The following AK9 variants were observed in gnomAD, a reference collection of about 807,000 sequenced individuals.
The protein encoded by AK9 is adenylate kinase 9, also known as adenylate kinase domain containing 1.
In AK9, 191 loss-of-function variants were observed where a neutral mutation model predicts 239.6. The observed-to-expected ratio is 0.80, with a 90% CI of 0.71 to 0.90. The LOEUF is 0.90. Among genes scored for constraint, AK9 ranks in the 40% least tolerant of loss-of-function variants. The probability of loss-of-function intolerance (pLI) is 0.00; values close to 1 mark genes in which losing one functional copy is unlikely to be tolerated. For synonymous variants in AK9, 689 were observed against 721.0 expected (o/e 0.96, Z 0.71); for missense variants, 1,995 against 2,214.7 (o/e 0.90, Z 1.99).
intron 17 of AK9, among the ~76,000 whole-genome samples, chr6:109,588,279 C>T (rs1789777897): frequency 6.6e-6 from 1 of 152,088 alleles, no homozygotes; most frequent in Admixed American, 6.6e-5. Context: ...CCGTGTTAGC[C>T]AGGATGGTCT....
intron 12 of AK9, among the ~76,000 whole-genome samples, chr6:109,621,067 A>T (rs1188499860): frequency 6.6e-6 from 1 of 151,096 alleles, no homozygotes; most frequent in Non-Finnish European, 1.5e-5. Flanking sequence ...CAACCCCATC[A>T]AAAAGTGGGT....
rs185544150 is a variant in AK9 at position 109,568,137 on chromosome 6, T to A, written c.2345-3292A>T. Among the ~76,000 whole-genome samples the A allele has an allele frequency of 8.1e-3, 1,240 of 152,218 alleles. 26 individuals are homozygous for A. Among genetic ancestry groups the A allele is most frequent in the African/African-American group, 0.027 (1,101 of 41,520 alleles). On this transcript the variant is annotated intron_variant, in intron 21 of 40. Transcript: ENST00000424296. Reference sequence around the variant, plus strand: ...GGCTGGTTCAACATACACAAATCAATAAACGTAATCCAGCATATAAACACA... The same window carrying A: ...GGCTGGTTCAACATACACAAATCAAAAAACGTAATCCAGCATATAAACACA...
chr6:109,493,416 A>G lies in AK9; in HGVS notation c.5689T>C (p.Leu1897=). 6.2e-7 allele frequency: 1 copy of G among 1,614,164 alleles called. No homozygotes were observed. Among genetic ancestry groups the G allele is most frequent in the African/African-American group, 1.3e-5 (1 of 75,050 alleles). The change falls in exon 41 of 41, where the codon TTA becomes CTA. Residue 1897 remains leucine (L), a synonymous_variant. Coordinates refer to ENST00000424296, the MANE Select transcript of AK9 (RefSeq NM_001145128.3). Reference sequence around the variant, plus strand: ...TTTCTGAGAGAGAGAAAGGTCTTTAACTTATGATCAAAGTCAATGGCTCTG... The same window carrying G: ...TTTCTGAGAGAGAGAAAGGTCTTTAGCTTATGATCAAAGTCAATGGCTCTG... ...QFRAIDFDHK[L]KTFLSLRNID...
At position 109,546,071 on chromosome 6, in the gene AK9, A is replaced by G. The variant is rs777462814; in HGVS notation, c.3021T>C (p.Cys1007=). ...VGPQGSGKTM[C]GRQLAEKLNI... ...TTAATTTTTCTGCCAACTGTCTTCC[A>G]CACATAGTTTTGCCAGAGCCCTGGG... Residue 1007 remains cysteine (C), a synonymous_variant, in exon 26 of 41, where the codon TGT becomes TGC. Transcript: ENST00000424296. 4 of 1,608,608 alleles carry G rather than the reference A, an allele frequency of 2.5e-6. No homozygotes were observed. The highest frequency in any genetic ancestry group is 1.8e-4 in the Middle Eastern group (1 of 5,608).
Position 109,546,073 on chromosome 6 carries a change from A to G in AK9, c.3019T>C (p.Cys1007Arg), listed in dbSNP as rs1288534538. 1 of 1,610,356 alleles carries G rather than the reference A, an allele frequency of 6.2e-7. No homozygotes were observed. The highest frequency in any genetic ancestry group is 1.3e-5 in the African/African-American group (1 of 74,494). Residue 1007 changes from cysteine to arginine, a missense_variant, in exon 26 of 41, where the codon TGT becomes CGT. This residue lies in a region of AK9 where 1,290 missense variants were observed against 1,392.7 expected (regional missense o/e 0.93). Coordinates refer to ENST00000424296, the MANE Select transcript of AK9 (RefSeq NM_001145128.3). The part of the protein sequence containing the change: ...VGPQGSGKTM[C>R]GRQLAEKLNI... The stretch of plus-strand genomic sequence containing the variant: ...AATTTTTCTGCCAACTGTCTTCCAC[A>G]CATAGTTTTGCCAGAGCCCTGGGGG...
At chr6:109,612,689 G>A (rs1793715987) in intron 15 of AK9, among the ~76,000 whole-genome samples, 1 of 152,044 alleles carries the variant, frequency 6.6e-6, no homozygotes, top group African/African-American at 2.4e-5. Context: ...AGTGCCATAC[G>A]TGAGTTTCTG....
chr6:109,506,264 T>C (rs1387904194), intron 35 of AK9, 63 bp downstream of exon 35: 22 of 1,466,130 alleles, frequency 1.5e-5, no homozygotes, highest in Non-Finnish European at 2.0e-5. Context: ...TACAGTAACA[T>C]GAGTCAGGCA....
chr6:109,537,658 GT>G (rs998174492), intron 27 of AK9, among the ~76,000 whole-genome samples: 4 of 151,704 alleles, frequency 2.6e-5, no homozygotes, highest in African/African-American at 7.2e-5. Flanking sequence ...TTTTCAATGT[GT>G]TTGCTCTTGC....
intron 27 of AK9, among the ~76,000 whole-genome samples, chr6:109,534,334 G>T (rs62436119): frequency 0.019 from 2,870 of 149,686 alleles, 53 homozygotes; most frequent in Non-Finnish European, 0.03. Context: ...TAATTAGAGA[G>T]CACTTATAAA....
Position 109,545,866 on chromosome 6 carries a change from C to T in AK9, c.3225+1G>A, listed in dbSNP as rs758883296. 19 of 1,588,030 alleles carry T rather than the reference C, an allele frequency of 1.2e-5. No homozygotes were observed. The highest frequency in any genetic ancestry group is 3.4e-4 in the Middle Eastern group (2 of 5,918). On this transcript the variant is annotated splice_donor_variant, in intron 26 of 40. Transcript: ENST00000424296. LOFTEE classifies it high-confidence loss of function. ...CAAAAAACAAAAAAAGAGATTACTA[C>T]CTGCTTTTTTGTATTTTCTTCCTCA...
intron 32 of AK9, among the ~76,000 whole-genome samples, chr6:109,513,604 G>A (rs1196599345): frequency 6.6e-6 from 1 of 152,170 alleles, no homozygotes; most frequent in Non-Finnish European, 1.5e-5. Context: ...GTTTTCTGAA[G>A]AAGTGGCACT....
intron 29 of AK9, 22 bp downstream of exon 29, chr6:109,528,989 A>G (rs772329826): frequency 6.5e-7 from 1 of 1,542,756 alleles, no homozygotes; most frequent in Non-Finnish European, 8.7e-7. Flanking sequence ...CCTGTTTTGA[A>G]AAAAAAAACA....
chr6:109,531,145 A>G (rs543589356), intron 28 of AK9, among the ~76,000 whole-genome samples: 1 of 152,364 alleles, frequency 6.6e-6, no homozygotes, highest in South Asian at 2.1e-4. Context: ...AGAAATACTG[A>G]GAAAAAAATT....
intron 5 of AK9, among the ~76,000 whole-genome samples, chr6:109,665,372 G>A (rs905014628): frequency 1.3e-5 from 2 of 152,118 alleles, no homozygotes; most frequent in African/African-American, 2.4e-5. Context: ...CCTATTGGAG[G>A]TTCATTAAAT....
rs374204001 is a variant in AK9, at chr6:109,499,248, T to C, written c.4850-8A>G. The C allele has an allele frequency of 6.1e-6, 9 of 1,479,172 alleles. No homozygotes were observed. Among genetic ancestry groups the C allele is most frequent in the East Asian group, 4.8e-5 (2 of 41,268 alleles). The allele number at this position is 1,479,172 out of a possible 1,614,324, so 91.6% of individuals were successfully genotyped here. A position where few individuals can be genotyped will look rare whatever the true frequency, so the allele number is the denominator to read the frequency against. ...CAATGCAGGCAGCTTTTCCTATTAT[T>C]AACATATTAACTATTATCATGTATA... On this transcript the variant is annotated splice_region_variant and splice_polypyrimidine_tract_variant and intron_variant, in intron 35 of 40. Transcript: ENST00000424296.
At position 109,654,620 on chromosome 6, in the gene AK9, C is replaced by T. The variant is rs546193874; in HGVS notation, c.759+2136G>A. On this transcript the variant is annotated intron_variant, in intron 8 of 40. Transcript: ENST00000424296. ...AGCTAGGATTACAGGCATGAGCCACCGCGCCCTGCCTGTTCTATATTTTTT... is the reference window on the plus strand; with the variant it reads ...AGCTAGGATTACAGGCATGAGCCACTGCGCCCTGCCTGTTCTATATTTTTT... 2.6e-5 allele frequency among the ~76,000 whole-genome samples: 4 copies of T among 152,276 alleles called. No individual in the cohort carries two copies. In the South Asian group the frequency reaches 6.2e-4, roughly 24 times the overall value.
At chr6:109,622,122 A>G (rs1202902281) in intron 12 of AK9, among the ~76,000 whole-genome samples, 2 of 146,640 alleles carry the variant, frequency 1.4e-5, no homozygotes, top group Middle Eastern at 3.5e-3. Flanking sequence ...ATTATATATA[A>G]TACACATATT....
intron 17 of AK9, among the ~76,000 whole-genome samples, chr6:109,586,907 A>AG (rs1221185418): frequency 6.6e-6 from 1 of 152,136 alleles, no homozygotes; most frequent in East Asian, 1.9e-4. Context: ...TACAAGTCAA[A>AG]GGGGAAGAGA....
Position 109,578,947 on chromosome 6 carries a change from T to A in AK9, c.2191+603A>T, listed in dbSNP as rs74984654. Among the ~76,000 whole-genome samples, 6 of 152,330 alleles carry A rather than the reference T, an allele frequency of 3.9e-5. No homozygotes were observed. The East Asian group carries it at 1.2e-3, about 29-fold the overall frequency. The stretch of plus-strand genomic sequence containing the variant: ...CGCTGAGACCTGTTTTGTGGCCTAT[T>A]ATGTGATCTATCTTGGAGGATATTC... On this transcript the variant is annotated intron_variant, in intron 20 of 40. Coordinates refer to ENST00000424296, the MANE Select transcript of AK9 (RefSeq NM_001145128.3).
Sources: allele counts gnomAD v4.1 joint callset (sites outside exome capture counted in the v4.1 genomes callset), GRCh38; gene constraint gnomAD v4.1.1; regional missense constraint gnomAD v4.1.1; transcripts MANE v1.5; gene names NCBI Gene and HGNC (gene_info 2026-07-23, HGNC 2026-07-21).